The following TBC1D5 variants were observed in gnomAD, a reference collection of about 807,000 sequenced individuals.
The protein encoded by TBC1D5 is TBC1 domain family member 5, also known as TBC1 domain family, member 5.
In TBC1D5, 75 loss-of-function variants were observed where a neutral mutation model predicts 100.3. The observed-to-expected ratio is 0.75, with a 90% confidence interval of 0.62 to 0.91. The LOEUF is 0.91. Ranked by LOEUF, TBC1D5 falls within the 40% of genes least tolerant of loss-of-function variation. The probability of loss-of-function intolerance (pLI) is 0.00; values close to 1 mark genes in which losing one functional copy is unlikely to be tolerated. For missense variants in TBC1D5, 910 were observed against 942.4 expected, an observed-to-expected ratio of 0.97 and a Z score of 0.45; for synonymous variants, 323 against 325.6, an observed-to-expected ratio of 0.99 and a Z score of 0.09.
intron 1 of TBC1D5, among the ~76,000 whole-genome samples, chr3:17,670,341 T>G (rs1016297653): frequency 2.0e-5 from 3 of 152,232 alleles, no homozygotes; most frequent in Non-Finnish European, 4.4e-5. Context: ...ACATAAAGCA[T>G]GCACATTATA....
intron 3 of TBC1D5, among the ~76,000 whole-genome samples, chr3:17,468,075 G>A (rs1343725736): frequency 6.6e-6 from 1 of 152,134 alleles, no homozygotes; most frequent in Non-Finnish European, 1.5e-5. Flanking sequence ...AAATGTAAAA[G>A]GTTTAAAGGG....
intron 3 of TBC1D5, among the ~76,000 whole-genome samples, chr3:17,488,539 G>A (rs1366299553): frequency 2.6e-5 from 4 of 152,112 alleles, no homozygotes; most frequent in Non-Finnish European, 5.9e-5. Flanking sequence ...GTACAATTTT[G>A]TAAGAAACTG....
At chr3:17,294,246 G>A (rs1232609496) in intron 14 of TBC1D5, among the ~76,000 whole-genome samples, 1 of 151,822 alleles carries the variant, frequency 6.6e-6, no homozygotes, top group South Asian at 2.1e-4. Context: ...CAGAGACAGG[G>A]TCTTGCTCTG....
At chr3:17,529,669 C>A (rs2096191684) in intron 2 of TBC1D5, among the ~76,000 whole-genome samples, 1 of 151,190 alleles carries the variant, frequency 6.6e-6, no homozygotes, top group African/African-American at 2.4e-5. Flanking sequence ...TTTTTTGAGA[C>A]AGAGTCTTGT....
intron 1 of TBC1D5, among the ~76,000 whole-genome samples, chr3:17,662,121 G>A (rs182305085): frequency 6.6e-6 from 1 of 152,180 alleles, no homozygotes; most frequent in African/African-American, 2.4e-5. Flanking sequence ...TCTAACTCCT[G>A]GCCCCAAGCA....
intron 2 of TBC1D5, among the ~76,000 whole-genome samples, chr3:17,557,698 A>AATTAAT (rs2096531128): frequency 1.3e-5 from 2 of 152,144 alleles, no homozygotes; most frequent in Non-Finnish European, 2.9e-5. Context: ...CAACAGACAC[A>AATTAAT]TGCAACCATG....
chr3:17,355,707 G>T (rs1392344396), intron 13 of TBC1D5, among the ~76,000 whole-genome samples: 2 of 149,314 alleles, frequency 1.3e-5, no homozygotes, highest in Non-Finnish European at 3.0e-5. Flanking sequence ...CCATGGTAGC[G>T]TTTTTTTTTG....
intron 1 of TBC1D5, among the ~76,000 whole-genome samples, chr3:17,629,311 TGTA>T (rs1405955928): frequency 6.6e-6 from 1 of 152,218 alleles, no homozygotes; most frequent in African/African-American, 2.4e-5. Flanking sequence ...CTTTGATTAA[TGTA>T]GTATAATCTA....
At chr3:17,348,239 G>C (rs1284040831) in intron 13 of TBC1D5, among the ~76,000 whole-genome samples, 1 of 152,120 alleles carries the variant, frequency 6.6e-6, no homozygotes. Context: ...CAGCCCCATG[G>C]AATTCTTCAT....
intron 4 of TBC1D5, among the ~76,000 whole-genome samples, chr3:17,417,858 T>C (rs1250368175): frequency 1.3e-5 from 2 of 148,942 alleles, no homozygotes; most frequent in African/African-American, 2.5e-5. Context: ...CACCTGTTGT[T>C]TGAGAACTTT....
intron 4 of TBC1D5, among the ~76,000 whole-genome samples, chr3:17,415,020 CAT>C (rs2094029663): frequency 1.3e-5 from 2 of 152,098 alleles, no homozygotes; most frequent in Admixed American, 6.5e-5. Flanking sequence ...AAATTACGGT[CAT>C]GTTTTGATTC....
chr3:17,228,219 G>A (rs1213648395), intron 17 of TBC1D5, among the ~76,000 whole-genome samples: 2 of 152,034 alleles, frequency 1.3e-5, no homozygotes, highest in Non-Finnish European at 2.9e-5. Context: ...CTATCTGGTG[G>A]GTCAGACACA....
chr3:17,552,095 C>T (rs1031950188), intron 2 of TBC1D5, among the ~76,000 whole-genome samples: 6 of 151,648 alleles, frequency 4.0e-5, no homozygotes, highest in Non-Finnish European at 7.4e-5. Context: ...TAGGCTGTCT[C>T]TAATATGTGA....
intron 1 of TBC1D5, among the ~76,000 whole-genome samples, chr3:17,654,382 A>C (rs2065861644): frequency 6.6e-6 from 1 of 152,180 alleles, no homozygotes; most frequent in African/African-American, 2.4e-5. Context: ...CTGGACATAA[A>C]GTTCTTAGTT....
intron 1 of TBC1D5, among the ~76,000 whole-genome samples, chr3:17,718,080 A>G (rs190274840): frequency 1.3e-5 from 2 of 152,270 alleles, no homozygotes; most frequent in Non-Finnish European, 2.9e-5. Flanking sequence ...GGTGCCCTCC[A>G]ACACATTTGG....
At chr3:17,572,284 A>G (rs1007119135) in intron 2 of TBC1D5, among the ~76,000 whole-genome samples, 6 of 150,362 alleles carry the variant, frequency 4.0e-5, no homozygotes, top group Non-Finnish European at 7.4e-5. Flanking sequence ...CACACTTTTC[A>G]TATTTCTTGC....
At chr3:17,657,645 T>C (rs561193441) in intron 1 of TBC1D5, among the ~76,000 whole-genome samples, 1 of 152,172 alleles carries the variant, frequency 6.6e-6, no homozygotes, top group Non-Finnish European at 1.5e-5. Context: ...GGACAAATTC[T>C]TTCTTTAGCT....
intron 14 of TBC1D5, among the ~76,000 whole-genome samples, chr3:17,294,769 A>G (rs2082086781): frequency 1.3e-5 from 2 of 152,228 alleles, no homozygotes; most frequent in Non-Finnish European, 1.5e-5. Flanking sequence ...AGATAATGGT[A>G]TCTCTAATTT....
intron 1 of TBC1D5, among the ~76,000 whole-genome samples, chr3:17,665,598 T>C (rs1352588236): frequency 6.6e-6 from 1 of 152,194 alleles, no homozygotes; most frequent in Non-Finnish European, 1.5e-5. Context: ...TTGCTTGCCT[T>C]TTTTGCTGCA....
Sources: allele counts gnomAD v4.1 joint callset (sites outside exome capture counted in the v4.1 genomes callset), GRCh38; gene constraint gnomAD v4.1.1; transcripts MANE v1.5; gene names NCBI Gene and HGNC (gene_info 2026-07-23, HGNC 2026-07-21).